Variants in CEP112 observed in about 807,000 individuals in gnomAD.
The protein encoded by CEP112 is centrosomal protein of 112 kDa.
A neutral mutation model predicts 153.0 loss-of-function variants in CEP112; 127 were observed. The ratio of observed to expected loss-of-function variants is 0.83; its 90% CI spans 0.72 to 0.96. The LOEUF is 0.96. Among genes scored for constraint, CEP112 ranks in the 40% least tolerant of loss-of-function variants. The probability of loss-of-function intolerance (pLI) is 0.00; values close to 1 mark genes in which losing one functional copy is unlikely to be tolerated. For synonymous variants in CEP112, 358 were observed against 374.4 expected (o/e 0.96, Z 0.51); for missense variants, 1,089 against 1,101.2 (o/e 0.99, Z 0.16).
At chr17:65,649,717 CA>C (rs3077085) in intron 24 of CEP112, among the ~76,000 whole-genome samples, 303 of 114,532 alleles carry the variant, frequency 2.6e-3, no homozygotes, top group African/African-American at 4.0e-3. Context: ...GACCCTGTCT[CA>C]AAAAAAAAAA....
chr17:65,679,102 C>T (rs1195490611), intron 24 of CEP112, among the ~76,000 whole-genome samples: 1 of 109,892 alleles, frequency 9.1e-6, no homozygotes, highest in African/African-American at 3.5e-5. Flanking sequence ...AATAAAAATA[C>T]TAATGTCCTT....
chr17:66,065,110 A>C (rs1014782997), intron 10 of CEP112, among the ~76,000 whole-genome samples: 4 of 152,108 alleles, frequency 2.6e-5, no homozygotes, highest in African/African-American at 9.7e-5. Flanking sequence ...CTTCTCATTC[A>C]CTAAATCATG....
intron 21 of CEP112, among the ~76,000 whole-genome samples, chr17:65,834,515 AC>A (rs1405114267): frequency 6.6e-6 from 1 of 152,118 alleles, no homozygotes; most frequent in Non-Finnish European, 1.5e-5. Flanking sequence ...GAGAAAAACT[AC>A]CCCATTAAAA....
At chr17:65,715,645 G>C (rs1244426154) in intron 23 of CEP112, among the ~76,000 whole-genome samples, 1 of 152,064 alleles carries the variant, frequency 6.6e-6, no homozygotes. Context: ...TAGAGACTGG[G>C]TTTCACCATG....
At chr17:66,153,263 G>C (rs2146696410) in intron 4 of CEP112, among the ~76,000 whole-genome samples, 1 of 152,074 alleles carries the variant, frequency 6.6e-6, no homozygotes, top group Admixed American at 6.5e-5. Context: ...ATTCATAATA[G>C]CCAAATACTG....
chr17:65,862,414 C>T (rs2058339450), intron 20 of CEP112, among the ~76,000 whole-genome samples: 1 of 152,074 alleles, frequency 6.6e-6, no homozygotes, highest in Non-Finnish European at 1.5e-5. Flanking sequence ...CGGTGAAACC[C>T]CATCTATACT....
In CEP112 at chr17:66,097,213, A is replaced by G. The variant is rs567612317; in HGVS notation, c.643-581T>C. ...GACACCAGACAATTTGTTTTAACTT[A>G]AAAGCACTATACTGTCTCCCATGTC... On this transcript the variant is annotated intron_variant, in intron 6 of 26. Transcript: ENST00000535342. Among the ~76,000 whole-genome samples, 15 of 152,328 alleles carry G rather than the reference A, an allele frequency of 9.8e-5. No individual in the cohort carries two copies. The East Asian group carries it at 2.5e-3, about 25-fold the overall frequency.
Position 66,161,858 on chromosome 17 carries a change from C to A in CEP112, c.470+13186G>T, listed in dbSNP as rs138379145. 2.0e-5 allele frequency among the ~76,000 whole-genome samples: 3 copies of A among 149,702 alleles called. No homozygotes were observed. In the Admixed American group the frequency reaches 2.0e-4, roughly 10 times the overall value. On this transcript the variant is annotated intron_variant, in intron 4 of 26. Transcript: ENST00000535342. ...AAAAAAAGAATAAAAAAACTCTGCA[C>A]GAATTTAAAAATAAGTAAATACATA...
At chr17:65,639,442 G>T (rs1386314814) in intron 25 of CEP112, among the ~76,000 whole-genome samples, 1 of 152,060 alleles carries the variant, frequency 6.6e-6, no homozygotes, top group African/African-American at 2.4e-5. Context: ...AAATGAGGCT[G>T]AGGTGGGCGA....
intron 24 of CEP112, among the ~76,000 whole-genome samples, chr17:65,671,631 G>C (rs1440210817): frequency 6.6e-6 from 1 of 152,102 alleles, no homozygotes; most frequent in Non-Finnish European, 1.5e-5. Context: ...TATATAGTAT[G>C]TATGTGTGTA....
chr17:65,720,356 C>A (rs1469591920), intron 23 of CEP112, among the ~76,000 whole-genome samples: 2 of 152,012 alleles, frequency 1.3e-5, no homozygotes, highest in African/African-American at 4.8e-5. Flanking sequence ...ACTGAGGTTG[C>A]CTAAGAGAGA....
intron 12 of CEP112, among the ~76,000 whole-genome samples, chr17:66,045,757 A>T (rs903737496): frequency 2.0e-5 from 3 of 152,246 alleles, no homozygotes; most frequent in African/African-American, 7.2e-5. Context: ...ACTGGGAGTC[A>T]TGGTCAAAAA....
rs532464647 is a variant in CEP112 at position 65,718,813 on chromosome 17, A to T, written c.2607+24255T>A. Among the ~76,000 whole-genome samples, 70 of 152,332 alleles carry T rather than the reference A, an allele frequency of 4.6e-4. 1 individual carries two copies. The highest frequency in any genetic ancestry group is 8.4e-4 in the Non-Finnish European group (57 of 68,018). On this transcript the variant is annotated intron_variant, in intron 23 of 26. Coordinates refer to ENST00000535342, the MANE Select transcript of CEP112 (RefSeq NM_001199165.4). ...AAGGGACAGACCAGAAAGTGTTCTT[A>T]TCTTGGGGTTAAGCCTGTAAGTGTG...
intron 24 of CEP112, among the ~76,000 whole-genome samples, chr17:65,683,033 T>C (rs939036956): frequency 2.6e-5 from 4 of 152,190 alleles, no homozygotes; most frequent in African/African-American, 9.7e-5. Flanking sequence ...TGATTAGTAG[T>C]GACAAAGGTG....
intron 16 of CEP112, 29 bp downstream of exon 16, chr17:66,027,472 T>C (rs1172610082): frequency 7.4e-7 from 1 of 1,343,972 alleles, no homozygotes; most frequent in Non-Finnish European, 9.9e-7. Flanking sequence ...CTATTTTAAA[T>C]ATTTTATAGC....
At chr17:65,759,088 G>A (rs1490914154) in intron 21 of CEP112, among the ~76,000 whole-genome samples, 2 of 152,130 alleles carry the variant, frequency 1.3e-5, no homozygotes, top group Non-Finnish European at 2.9e-5. Context: ...TGATAAGAGT[G>A]ACCTCTGGTC....
chr17:65,650,677 C>A (rs1487054492), intron 24 of CEP112, among the ~76,000 whole-genome samples: 1 of 144,996 alleles, frequency 6.9e-6, no homozygotes, highest in Non-Finnish European at 1.5e-5. Context: ...GGGCAGATCA[C>A]CTGAGGTCAA....
intron 19 of CEP112, among the ~76,000 whole-genome samples, 177 bp from the exon 20 acceptor site, chr17:65,902,511 T>C (rs2059911548): frequency 6.6e-6 from 1 of 152,116 alleles, no homozygotes; most frequent in Admixed American, 6.6e-5. Flanking sequence ...GCAAACCTCC[T>C]AATATTCAAA....
chr17:66,101,930 C>T (rs1468778828), intron 6 of CEP112, among the ~76,000 whole-genome samples: 2 of 151,894 alleles, frequency 1.3e-5, no homozygotes, highest in East Asian at 1.9e-4. Flanking sequence ...TAGATAGAAG[C>T]TATAAATGTA....
Sources: gnomAD v4.1 joint callset for allele counts (sites outside exome capture counted in the v4.1 genomes callset) on GRCh38, gnomAD v4.1.1 for gene constraint, MANE v1.5 for transcripts, NCBI Gene and HGNC (gene_info 2026-07-23, HGNC 2026-07-21) for gene names.